Variants in RYR2 observed in about 807,000 individuals in gnomAD.
RYR2 encodes ryanodine receptor 2, also known as cardiac muscle ryanodine receptor-calcium release channel.
Under a neutral mutation model 601.1 loss-of-function variants are expected in RYR2, and 227 were observed. The observed-to-expected ratio is 0.38, with a 90% CI of 0.34 to 0.42. The LOEUF is 0.42. Ranked by LOEUF, RYR2 falls within the 10% of genes least tolerant of loss-of-function variation. The pLI is 1.00. For missense variants in RYR2, 4,646 were observed against 6,156.5 expected (o/e 0.75, Z 8.21); for synonymous variants, 2,223 against 2,175.1 (o/e 1.02, Z -0.61).
chr1:237,383,504 G>A (rs537815153), intron 8 of RYR2, among the ~76,000 whole-genome samples: 21 of 126,126 alleles, frequency 1.7e-4, no homozygotes, highest in African/African-American at 2.4e-4. Flanking sequence ...ATCTCGGCTC[G>A]CTGCAAGCTC....
At chr1:237,212,097 A>G (rs1170801807) in intron 1 of RYR2, among the ~76,000 whole-genome samples, 2 of 151,478 alleles carry the variant, frequency 1.3e-5, no homozygotes, top group Non-Finnish European at 2.9e-5. Context: ...TTTGCTGCAT[A>G]TTTTGTTTTG....
Position 237,387,400 on chromosome 1 carries a change from T to C in RYR2, c.676+20T>C. ...CCCAAGGTAAAAACTCCACTTCAATTAGAGGGCCTGTCCTTGCTGCAAAGT... is the reference window on the plus strand; with the variant it reads ...CCCAAGGTAAAAACTCCACTTCAATCAGAGGGCCTGTCCTTGCTGCAAAGT... On this transcript the variant is annotated intron_variant, in intron 9 of 104. Coordinates refer to ENST00000366574, the MANE Select transcript of RYR2 (RefSeq NM_001035.3). 6.2e-7 allele frequency: 1 copy of C among 1,604,734 alleles called. No individual in the cohort carries two copies. The highest frequency in any genetic ancestry group is 2.2e-5 in the East Asian group (1 of 44,798).
chr1:237,443,792 C>T (rs957963256), intron 13 of RYR2, among the ~76,000 whole-genome samples: 6 of 152,042 alleles, frequency 3.9e-5, no homozygotes, highest in African/African-American at 4.8e-5. Flanking sequence ...ATGGGCTATA[C>T]GGAAACAGGT....
intron 98 of RYR2, 82 bp from the exon 99 acceptor site, chr1:237,806,055 C>G: frequency 8.2e-7 from 1 of 1,225,974 alleles, no homozygotes; most frequent in East Asian, 2.4e-5. Flanking sequence ...CTTTCTGTTC[C>G]TGGCTTATTT....
At chr1:237,539,800 C>T (rs1481744615) in intron 25 of RYR2, among the ~76,000 whole-genome samples, 1 of 152,052 alleles carries the variant, frequency 6.6e-6, no homozygotes, top group Non-Finnish European at 1.5e-5. Context: ...CACACGTTTA[C>T]CTATGTAACC....
At chr1:237,775,679 A>C (rs1307064207) in intron 87 of RYR2, among the ~76,000 whole-genome samples, 2 of 152,200 alleles carry the variant, frequency 1.3e-5, no homozygotes, top group African/African-American at 4.8e-5. Context: ...GAATTGTTTG[A>C]GTAAGAGGAC....
chr1:237,148,527 A>C (rs112592121), intron 1 of RYR2, among the ~76,000 whole-genome samples: 7 of 83,914 alleles, frequency 8.3e-5, no homozygotes, highest in African/African-American at 3.0e-4. Flanking sequence ...AAAAAAAAAA[A>C]ATATATATAT....
chr1:237,595,653 A>G lies in RYR2; in HGVS notation c.4592A>G (p.Tyr1531Cys). ...IANGKELSTY[Y>C]QVEPSTKLFP... ...AATGGCAAGGAACTGAGCACATACT[A>G]TCAGGTACGCGGTCAGTGATGATAT... Residue 1531 changes from tyrosine (Y) to cysteine (C), a missense_variant, in exon 34 of 105, where the codon TAT becomes TGT. Around this residue, in one of 17 missense-constraint regions of RYR2, gnomAD observed 1,807 missense variants for 2,088.1 expected, o/e 0.87. Transcript: ENST00000366574. The G allele has an allele frequency of 2.5e-6, 4 of 1,611,388 alleles. No homozygotes were observed. The highest frequency in any genetic ancestry group is 1.1e-5 in the South Asian group (1 of 90,442).
At chr1:237,801,764 C>A in intron 97 of RYR2, 92 bp from the exon 98 acceptor site, 1 of 707,112 alleles carries the variant, frequency 1.4e-6, no homozygotes, top group Non-Finnish European at 2.4e-6. Flanking sequence ...CAAGTCTTGT[C>A]CCATTGAATG....
At chr1:237,454,611 T>C (rs1215985415) in intron 15 of RYR2, 37 bp downstream of exon 15, 24 of 1,598,930 alleles carry the variant, frequency 1.5e-5, no homozygotes, top group Non-Finnish European at 2.0e-5. Flanking sequence ...CTTCTGTTAT[T>C]CTCTTGTAAA....
chr1:237,521,891 TCACACTGACCTTTGTGTTGCTTGCC>T (rs1667122961), intron 24 of RYR2, among the ~76,000 whole-genome samples: 1 of 152,090 alleles, frequency 6.6e-6, no homozygotes, highest in Non-Finnish European at 1.5e-5. Context: ...TTGCTTGCAG[TCACACTGACCTTTGTGTTGCTTGCC>T]TGTCCACACA....
rs762658477 is a variant in RYR2, at chr1:237,330,858, C to G, written c.169-20C>G. Reference sequence around the variant, plus strand: ...TTGATGAAGATGATGCTGCTGACTGCTCTTCCTCTTTCTGTGCAGAATGTG... The same window carrying G: ...TTGATGAAGATGATGCTGCTGACTGGTCTTCCTCTTTCTGTGCAGAATGTG... On this transcript the variant is annotated intron_variant, in intron 2 of 104. Transcript: ENST00000366574. The G allele has an allele frequency of 1.9e-6, 3 of 1,592,994 alleles. No homozygotes were observed. The Admixed American group carries it at 5.0e-5, about 27-fold the overall frequency.
At chr1:237,139,605 T>C (rs933604900) in intron 1 of RYR2, among the ~76,000 whole-genome samples, 2 of 152,192 alleles carry the variant, frequency 1.3e-5, no homozygotes, top group Admixed American at 1.3e-4. Flanking sequence ...ATCCTGTTCC[T>C]GAGAAGAAGA....
Position 237,562,286 on chromosome 1 carries a change from T to C in RYR2, c.3215-4281T>C, listed in dbSNP as rs190823420. ...ACCAGAAGGTTGAAAGGATGGCTGATTAATACCAATAATTTTAAAAAGTAT... is the reference window on the plus strand; with the variant it reads ...ACCAGAAGGTTGAAAGGATGGCTGACTAATACCAATAATTTTAAAAAGTAT... On this transcript the variant is annotated intron_variant, in intron 27 of 104. Coordinates refer to ENST00000366574, the MANE Select transcript of RYR2 (RefSeq NM_001035.3). Among the ~76,000 whole-genome samples, 328 of 152,350 alleles carry C rather than the reference T, an allele frequency of 2.2e-3. 1 individual carries two copies. The highest frequency in any genetic ancestry group is 0.014 in the Middle Eastern group (4 of 294).
At chr1:237,230,939 A>AC (rs1241009182) in intron 1 of RYR2, among the ~76,000 whole-genome samples, 2 of 151,756 alleles carry the variant, frequency 1.3e-5, no homozygotes, top group East Asian at 3.9e-4. Flanking sequence ...AAAAAAAAAA[A>AC]AAGGATACTC....
intron 1 of RYR2, among the ~76,000 whole-genome samples, chr1:237,140,798 A>T (rs1673306808): frequency 6.6e-6 from 1 of 152,228 alleles, no homozygotes; most frequent in Non-Finnish European, 1.5e-5. Context: ...TCTCTGGAGT[A>T]TCTGCATAAA....
chr1:237,308,681 TG>T (rs760779216), intron 2 of RYR2, among the ~76,000 whole-genome samples: 13 of 152,298 alleles, frequency 8.5e-5, no homozygotes, highest in Non-Finnish European at 1.8e-4. Context: ...ACCTTAGCGG[TG>T]AGTGTTACAG....
chr1:237,745,138 G>A (rs188168358), intron 80 of RYR2, among the ~76,000 whole-genome samples: 3 of 152,154 alleles, frequency 2.0e-5, no homozygotes, highest in African/African-American at 7.2e-5. Context: ...ATAGTTGGAG[G>A]AATATATAGT....
chr1:237,355,909 A>C, intron 3 of RYR2, 56 bp from the exon 4 acceptor site: 2 of 1,489,612 alleles, frequency 1.3e-6, no homozygotes, highest in Non-Finnish European at 1.8e-6. Context: ...ACAGTAATTG[A>C]AACATTGCTA....
Sources: allele counts gnomAD v4.1 joint callset (sites outside exome capture counted in the v4.1 genomes callset), GRCh38; gene constraint gnomAD v4.1.1; regional missense constraint gnomAD v4.1.1; transcripts MANE v1.5; gene names NCBI Gene and HGNC (gene_info 2026-07-23, HGNC 2026-07-21).